The following CCDC186 variants were observed in gnomAD, a reference collection of about 807,000 sequenced individuals.
CCDC186 encodes the protein coiled-coil domain containing 186.
A neutral mutation model predicts 113.7 loss-of-function variants in CCDC186; 49 were observed. The ratio of observed to expected loss-of-function variants is 0.43; its 90% CI spans 0.34 to 0.55. CCDC186 has a LOEUF of 0.55. Ranked by LOEUF, CCDC186 falls within the 20% of genes least tolerant of loss-of-function variation. The probability of loss-of-function intolerance (pLI) is 0.02; values close to 1 mark genes in which losing one functional copy is unlikely to be tolerated. For missense variants in CCDC186, 890 were observed against 1,011.1 expected (o/e 0.88, Z 1.62); for synonymous variants, 355 against 345.8 (o/e 1.03, Z -0.30).
chr10:114,135,849 T>C (rs1423433602), intron 9 of CCDC186, 42 bp downstream of exon 9: 3 of 1,421,632 alleles, frequency 2.1e-6, no homozygotes, highest in Non-Finnish European at 3.0e-6. Context: ...AAATTTAAGA[T>C]ATTTACCCTT....
chr10:114,141,943 C>A (rs2031481447), intron 6 of CCDC186, among the ~76,000 whole-genome samples: 1 of 152,120 alleles, frequency 6.6e-6, no homozygotes. Context: ...TATATTTTGT[C>A]TTTTGTTTTT....
intron 1 of CCDC186, among the ~76,000 whole-genome samples, chr10:114,172,388 T>C (rs1413804380): frequency 6.6e-6 from 1 of 152,240 alleles, no homozygotes; most frequent in Non-Finnish European, 1.5e-5. Flanking sequence ...TAAGCAATCA[T>C]TAGCTATGCT....
At chr10:114,150,433 AG>A (rs1366107164) in intron 4 of CCDC186, among the ~76,000 whole-genome samples, 3 of 152,238 alleles carry the variant, frequency 2.0e-5, no homozygotes, top group Non-Finnish European at 4.4e-5. Flanking sequence ...GGGGGAAAAA[AG>A]TATATGACCA....
At chr10:114,160,302 G>C (rs530590361) in intron 2 of CCDC186, among the ~76,000 whole-genome samples, 141 of 151,618 alleles carry the variant, frequency 9.3e-4, no homozygotes, top group Non-Finnish European at 1.5e-3. Flanking sequence ...TGGAACCTTA[G>C]ACAGTAATAT....
intron 13 of CCDC186, 68 bp from the exon 14 acceptor site, chr10:114,127,739 C>G: frequency 1.6e-6 from 2 of 1,284,694 alleles, no homozygotes; most frequent in Non-Finnish European, 2.2e-6. Context: ...TCATATATTA[C>G]TTATTCCAGC....
Position 114,132,162 on chromosome 10 carries a change from A to G in CCDC186, c.1678T>C (p.Leu560=). 6.3e-7 allele frequency: 1 copy of G among 1,598,282 alleles called. No homozygotes were observed. The highest frequency in any genetic ancestry group is 1.3e-5 in the African/African-American group (1 of 74,432). ...LQRGKQEIEN[L]KEEVESLNSL... ...TTAAGACTTTCCACTTCTTCTTTCA[A>G]ATTTTCAATTTCTTGCTTACCTCTA... Residue 560 remains leucine, a synonymous_variant, in exon 11 of 16, where the codon TTG becomes CTG. Transcript: ENST00000369287.
At chr10:114,126,526 T>A (rs1394620869) in intron 14 of CCDC186, among the ~76,000 whole-genome samples, 2 of 152,066 alleles carry the variant, frequency 1.3e-5, no homozygotes, top group Admixed American at 1.3e-4. Flanking sequence ...CTGAATAATT[T>A]TTTTTTTGAG....
At chr10:114,158,662 G>A (rs539653778) in intron 2 of CCDC186, among the ~76,000 whole-genome samples, 3 of 151,700 alleles carry the variant, frequency 2.0e-5, no homozygotes, top group South Asian at 2.1e-4. Context: ...GAGCTCCACT[G>A]CACTCCTGCC....
In CCDC186 at chr10:114,168,638, C is replaced by T. The variant is rs931617429; in HGVS notation, c.-61-5309G>A. Among the ~76,000 whole-genome samples, 17 of 152,248 alleles carry T rather than the reference C, an allele frequency of 1.1e-4. No homozygotes were observed. The South Asian group carries it at 1.5e-3, about 13-fold the overall frequency. On this transcript the variant is annotated intron_variant, in intron 1 of 15. Transcript: ENST00000369287. ...GCCTCAACCCCTTATGAGTCATCCC[C>T]GACCCAACCAATCAGCATTCCCCAT... is the stretch of plus-strand genomic sequence containing the variant.
At chr10:114,139,613 G>A (rs2031402734) in intron 6 of CCDC186, among the ~76,000 whole-genome samples, 1 of 149,442 alleles carries the variant, frequency 6.7e-6, no homozygotes, top group Non-Finnish European at 1.5e-5. Flanking sequence ...TTTCTTACAT[G>A]TCATTAAAAA....
chr10:114,149,201 T>C (rs1053943447), intron 4 of CCDC186, among the ~76,000 whole-genome samples: 1 of 152,200 alleles, frequency 6.6e-6, no homozygotes, highest in African/African-American at 2.4e-5. Flanking sequence ...TGAACATGGC[T>C]TTGCACACAG....
At chr10:114,149,049 G>A (rs564986557) in intron 4 of CCDC186, among the ~76,000 whole-genome samples, 2 of 152,062 alleles carry the variant, frequency 1.3e-5, no homozygotes, top group Non-Finnish European at 1.5e-5. Flanking sequence ...TCAAAAAGTT[G>A]GGAGGAAAAG....
At position 114,174,193 on chromosome 10, in the gene CCDC186, T is replaced by C. The variant is rs1432791759; in HGVS notation, c.-240A>G. On this transcript the variant is annotated 5_prime_UTR_variant, in exon 1 of 16. An upstream start codon of the reference 5' UTR is lost. Transcript: ENST00000369287. ...CCCAAACCCCTGCGGAGCTGACACA[T>C]CAACAAAGATGGCGGCGACACTGAA... 4.6e-6 allele frequency: 2 copies of C among 438,628 alleles called. No homozygotes were observed. Among genetic ancestry groups the C allele is most frequent in the Non-Finnish European group, 9.5e-6 (2 of 209,652 alleles). The allele number at this position is 438,628 out of a possible 1,614,324, so 27.2% of individuals were successfully genotyped here.
intron 6 of CCDC186, among the ~76,000 whole-genome samples, chr10:114,143,482 G>A (rs1276914344): frequency 1.3e-5 from 2 of 152,300 alleles, no homozygotes; most frequent in Non-Finnish European, 1.5e-5. Flanking sequence ...TGGCTTAGCC[G>A]TGTTGAGCTC....
At chr10:114,130,091 T>C (rs2031040457) in intron 12 of CCDC186, 120 bp from the exon 13 acceptor site, 1 of 755,786 alleles carries the variant, frequency 1.3e-6, no homozygotes, top group Non-Finnish European at 2.2e-6. Flanking sequence ...AGTTCTTGAA[T>C]ACATACTTTA....
intron 3 of CCDC186, among the ~76,000 whole-genome samples, chr10:114,154,796 C>G (rs1450901312): frequency 6.6e-6 from 1 of 152,156 alleles, no homozygotes; most frequent in Non-Finnish European, 1.5e-5. Context: ...TCATAATAGT[C>G]AAATGGCAGA....
At chr10:114,142,174 C>T (rs987660940) in intron 6 of CCDC186, among the ~76,000 whole-genome samples, 1 of 152,184 alleles carries the variant, frequency 6.6e-6, no homozygotes, top group Admixed American at 6.5e-5. Flanking sequence ...ACGACAGCCT[C>T]GGGAGAAGAG....
At chr10:114,154,542 A>G (rs188731835) in intron 3 of CCDC186, among the ~76,000 whole-genome samples, 1 of 152,274 alleles carries the variant, frequency 6.6e-6, no homozygotes, top group East Asian at 1.9e-4. Flanking sequence ...CTGAATTAGC[A>G]TAATAAAAAA....
rs532011600 is a variant in CCDC186 at position 114,153,424 on chromosome 10, C to T, written c.760-2204G>A. ...ATAAAAATGCAAACATAATATACCACAACTCAGGAGACACATCTAAAGGAA... is the reference window on the plus strand; with the variant it reads ...ATAAAAATGCAAACATAATATACCATAACTCAGGAGACACATCTAAAGGAA... On this transcript the variant is annotated intron_variant, in intron 3 of 15. Coordinates refer to ENST00000369287, the MANE Select transcript of CCDC186 (RefSeq NM_018017.4). Among the ~76,000 whole-genome samples, 18 of 152,114 alleles carry T rather than the reference C, an allele frequency of 1.2e-4. 1 individual carries two copies. The South Asian group carries it at 3.7e-3, about 32-fold the overall frequency.
Sources: allele counts gnomAD v4.1 joint callset (sites outside exome capture counted in the v4.1 genomes callset), GRCh38; gene constraint gnomAD v4.1.1; transcripts MANE v1.5; gene names NCBI Gene and HGNC (gene_info 2026-07-23, HGNC 2026-07-21).